The following ATP6V0A2 variants were observed in gnomAD, a reference collection of about 807,000 sequenced individuals.
ATP6V0A2 encodes the protein V-type proton ATPase 116 kDa subunit a 2.
In ATP6V0A2, 58 loss-of-function variants were observed where a neutral mutation model predicts 104.4. The observed-to-expected ratio is 0.56, with a 90% CI of 0.45 to 0.69. The LOEUF is 0.69. ATP6V0A2 is among the 30% of genes least tolerant of loss of function. The probability of loss-of-function intolerance (pLI) is 0.00; values close to 1 mark genes in which losing one functional copy is unlikely to be tolerated. For missense variants in ATP6V0A2, 938 were observed against 1,062.9 expected (o/e 0.88, Z 1.63); for synonymous variants, 376 against 397.9 (o/e 0.95, Z 0.65).
chr12:123,733,695 G>T (rs866301457), intron 6 of ATP6V0A2: 11 of 540,834 alleles, frequency 2.0e-5, no homozygotes, highest in African/African-American at 9.5e-5. Context: ...GAACGCGGGT[G>T]TCGGGTGCCT....
chr12:123,716,747 C>T (rs12813758), intron 1 of ATP6V0A2, among the ~76,000 whole-genome samples: 53,306 of 149,966 alleles, frequency 0.36, 9,806 homozygotes, highest in African/African-American at 0.39. Flanking sequence ...GCTGAGATTG[C>T]GCCACTGGAC....
At chr12:123,737,424 A>T in intron 9 of ATP6V0A2, 153 bp downstream of exon 9, 2 of 814,720 alleles carry the variant, frequency 2.5e-6, no homozygotes, top group Non-Finnish European at 4.0e-6. Flanking sequence ...AATTAACAAA[A>T]TTAAAATAGA....
Position 123,759,860 on chromosome 12 carries a change from C to G in ATP6V0A2, c.*1828C>G, listed in dbSNP as rs886049068. The stretch of plus-strand genomic sequence containing the variant: ...CCAGTTTGGACTTACTGCTTTTTGT[C>G]CCTCATATTAAATTATCAAATGATG... On this transcript the variant is annotated 3_prime_UTR_variant, in exon 20 of 20. Coordinates refer to ENST00000330342, the MANE Select transcript of ATP6V0A2 (RefSeq NM_012463.4). 3.3e-5 allele frequency: 5 copies of G among 152,184 alleles called. No homozygotes were observed. Among genetic ancestry groups the G allele is most frequent in the Non-Finnish European group, 7.3e-5 (5 of 68,044 alleles). 9.4% of individuals were successfully genotyped at this position (152,184 alleles called of 1,614,324 possible).
intron 9 of ATP6V0A2, among the ~76,000 whole-genome samples, chr12:123,737,912 C>G (rs1442763237): frequency 6.6e-6 from 1 of 152,100 alleles, no homozygotes; most frequent in Non-Finnish European, 1.5e-5. Flanking sequence ...ATTTAATATT[C>G]TGTTGTGTGC....
At chr12:123,748,914 A>T in intron 15 of ATP6V0A2, 129 bp downstream of exon 15, 3 of 926,508 alleles carry the variant, frequency 3.2e-6, no homozygotes, top group Non-Finnish European at 5.2e-6. Context: ...TGCATGTGTC[A>T]TCACTGGAGG....
intron 9 of ATP6V0A2, among the ~76,000 whole-genome samples, chr12:123,742,116 C>G (rs1956615420): frequency 6.6e-6 from 1 of 152,232 alleles, no homozygotes; most frequent in Admixed American, 6.5e-5. Context: ...AGTTTAGGGA[C>G]TGGGCTGCCC....
intron 2 of ATP6V0A2, among the ~76,000 whole-genome samples, chr12:123,720,494 T>A (rs1297686255): frequency 1.3e-5 from 2 of 152,154 alleles, no homozygotes; most frequent in Admixed American, 1.3e-4. Context: ...TCCAGGAGTT[T>A]GAGAGCAGTC....
At position 123,726,268 on chromosome 12, in the gene ATP6V0A2, G is replaced by C. The variant is rs754953223; in HGVS notation, c.504G>C (p.Arg168Ser). The C allele has an allele frequency of 5.0e-6, 8 of 1,613,724 alleles. No homozygotes were observed. The African/African-American group carries it at 1.1e-4, about 22-fold the overall frequency. The stretch of plus-strand genomic sequence containing the variant: ...TGTTGGATTACAGCTGTATGCAGAG[G>C]CTGGGAGCAAAACTGGGGTAGGTGA... ...DSLLDYSCMQ[R>S]LGAKLGFVSG... The change falls in exon 5 of 20, where the codon AGG becomes AGC. Residue 168 changes from arginine to serine, a missense_variant. By Grantham distance (110) the Arg-to-Ser change is moderately radical. Coordinates refer to ENST00000330342, the MANE Select transcript of ATP6V0A2 (RefSeq NM_012463.4).
chr12:123,757,041 C>A (rs537432885), intron 19 of ATP6V0A2, 55 bp downstream of exon 19: 39 of 1,587,574 alleles, frequency 2.5e-5, no homozygotes, highest in South Asian at 1.8e-4. Flanking sequence ...CCCGCCCCCC[C>A]ACTGCCCCGC....
At position 123,752,269 on chromosome 12, in the gene ATP6V0A2, CTT is replaced by C; in HGVS notation, c.2056-11_2056-10del. The C allele has an allele frequency of 6.2e-7, 1 of 1,613,978 alleles. No individual in the cohort carries two copies. The highest frequency in any genetic ancestry group is 8.5e-7 in the Non-Finnish European group (1 of 1,179,972). ...GTTTTACAGGCACTGACTCTGTGCTCTTTTGGTTGTTAGAGTGGCTACACACT... is the reference window on the plus strand; with the variant it reads ...GTTTTACAGGCACTGACTCTGTGCTCTTGGTTGTTAGAGTGGCTACACACT... On this transcript the variant is annotated splice_polypyrimidine_tract_variant and intron_variant, in intron 16 of 19. Transcript: ENST00000330342.
rs75907423 is a variant in ATP6V0A2, at chr12:123,735,683, A to G, written c.825+59A>G. 327 of 1,318,472 alleles carry G rather than the reference A, an allele frequency of 2.5e-4. No individual in the cohort carries two copies. The African/African-American group carries it at 4.0e-3, about 16-fold the overall frequency. The allele number at this position is 1,318,472 out of a possible 1,614,324, so 81.7% of individuals were successfully genotyped here. A position where few individuals can be genotyped will look rare whatever the true frequency, so the allele number is the denominator to read the frequency against. ...TGAGGGCTGCCAAACATTTACACGT[A>G]TATTTTCTCTCTTTTTTAACATAGA... is the stretch of plus-strand genomic sequence containing the variant. On this transcript the variant is annotated intron_variant, in intron 8 of 19. Coordinates refer to ENST00000330342, the MANE Select transcript of ATP6V0A2 (RefSeq NM_012463.4).
chr12:123,745,038 C>G (rs981391771), intron 13 of ATP6V0A2, 66 bp downstream of exon 13: 1 of 1,483,368 alleles, frequency 6.7e-7, no homozygotes, highest in Admixed American at 1.7e-5. Flanking sequence ...TCGGGCGCCA[C>G]GAGTTTCTCT....
Position 123,751,953 on chromosome 12 carries a change from C to T in ATP6V0A2, c.2056-330C>T, listed in dbSNP as rs192086874. ...TCAGCTTACTGCAACCTCTGCCCTC[C>T]GGGTTCAAGCAATTCTCTTGCCTCA... is the stretch of plus-strand genomic sequence containing the variant. On this transcript the variant is annotated intron_variant, in intron 16 of 19. Coordinates refer to ENST00000330342, the MANE Select transcript of ATP6V0A2 (RefSeq NM_012463.4). Among the ~76,000 whole-genome samples the T allele has an allele frequency of 1.4e-3, 215 of 150,676 alleles. 2 individuals are homozygous for T. The East Asian group carries it at 0.037, about 26-fold the overall frequency.
intron 1 of ATP6V0A2, among the ~76,000 whole-genome samples, chr12:123,713,009 G>T (rs973922190): frequency 6.6e-6 from 1 of 152,242 alleles, no homozygotes; most frequent in South Asian, 2.1e-4. Flanking sequence ...GGAACTTTAC[G>T]GGGGTTAGGG....
intron 14 of ATP6V0A2, 143 bp downstream of exon 14, chr12:123,747,868 A>G: frequency 4.6e-6 from 3 of 649,662 alleles, no homozygotes. Context: ...GAAGTTATTT[A>G]GATTTTCTGT....
rs753449725 is a variant in ATP6V0A2, at chr12:123,744,825, T to C, written c.1514+41T>C. On this transcript the variant is annotated intron_variant, in intron 12 of 19. Coordinates refer to ENST00000330342, the MANE Select transcript of ATP6V0A2 (RefSeq NM_012463.4). The surrounding 1 kb of genome is among the most constrained non-coding windows in gnomAD (Gnocchi z 5.4). The stretch of plus-strand genomic sequence containing the variant: ...CTGGTGATGCTCTGGGTGGAAAGCA[T>C]GTTTCCTAGACCTTCCTCCTCCCAG... The C allele has an allele frequency of 1.9e-5, 30 of 1,613,984 alleles. No homozygotes were observed. The highest frequency in any genetic ancestry group is 3.3e-5 in the Admixed American group (2 of 60,000).
At chr12:123,740,410 A>C (rs924794562) in intron 9 of ATP6V0A2, among the ~76,000 whole-genome samples, 1 of 151,892 alleles carries the variant, frequency 6.6e-6, no homozygotes, top group African/African-American at 2.4e-5. Context: ...GGGGTTTCAT[A>C]ATGTTGGCCA....
chr12:123,743,698 A>G, intron 9 of ATP6V0A2, 87 bp from the exon 10 acceptor site: 4 of 1,522,126 alleles, frequency 2.6e-6, no homozygotes, highest in Non-Finnish European at 3.6e-6. Flanking sequence ...AAACCAAAAA[A>G]CAAAGCAGTA....
At chr12:123,735,860 T>TA (rs1366445365) in intron 8 of ATP6V0A2, among the ~76,000 whole-genome samples, 1 of 152,140 alleles carries the variant, frequency 6.6e-6, no homozygotes, top group Non-Finnish European at 1.5e-5. Context: ...TCACCTTTGA[T>TA]ATGTTGGATG....
Sources: gnomAD v4.1 joint callset for allele counts (sites outside exome capture counted in the v4.1 genomes callset) on GRCh38, gnomAD v4.1.1 for gene constraint, Gnocchi (gnomAD v3.1) non-coding constraint, MANE v1.5 for transcripts, NCBI Gene and HGNC (gene_info 2026-07-23, HGNC 2026-07-21) for gene names.